Variants in ASCC3 observed in about 807,000 individuals in gnomAD.
The protein encoded by ASCC3 is ASC-1 complex subunit P200.
In ASCC3, 158 loss-of-function variants were observed where a neutral mutation model predicts 256.3. That is an observed-to-expected ratio of 0.62 (90% CI 0.54 to 0.70). ASCC3 has a LOEUF of 0.70. ASCC3 is among the 30% of genes least tolerant of loss of function. ASCC3 has a pLI of 0.00. For synonymous variants in ASCC3, 948 were observed against 883.4 expected (o/e 1.07, Z -1.30); for missense variants, 2,259 against 2,626.0 (o/e 0.86, Z 3.05).
chr6:100,754,863 T>C lies in ASCC3; in HGVS notation c.1737+11702A>G, dbSNP rs1462483335. ...ATAATAGTGAATAAGTCTCACGAGATTTGATGGTTTTATAAAGGGTGGTTC... is the reference window on the plus strand; with the variant it reads ...ATAATAGTGAATAAGTCTCACGAGACTTGATGGTTTTATAAAGGGTGGTTC... On this transcript the variant is annotated intron_variant, in intron 10 of 41. Coordinates refer to ENST00000369162, the MANE Select transcript of ASCC3 (RefSeq NM_006828.4). Among the ~76,000 whole-genome samples, 3 of 152,240 alleles carry C rather than the reference T, an allele frequency of 2.0e-5. No individual in the cohort carries two copies. The East Asian group carries it at 5.8e-4, about 29-fold the overall frequency.
In ASCC3 at chr6:100,607,015, T is replaced by A; in HGVS notation, c.4859A>T (p.His1620Leu). The change falls in exon 31 of 42, where the codon CAT becomes CTT. Residue 1620 changes from histidine (H) to leucine (L), a missense_variant. Transcript: ENST00000369162. ...TCGGTCCCTCTCATGTAGTCCAGCA[T>A]GATGCATTCCTATCCCGAAAGCAAG... ...LTLAFGIGMH[H>L]AGLHERDRKT... 1.9e-6 allele frequency: 3 copies of A among 1,613,756 alleles called. No individual in the cohort carries two copies. Among genetic ancestry groups the A allele is most frequent in the Non-Finnish European group, 2.5e-6 (3 of 1,179,816 alleles).
chr6:100,602,841 GT>G (rs1190852695), intron 33 of ASCC3, among the ~76,000 whole-genome samples: 7 of 151,922 alleles, frequency 4.6e-5, no homozygotes, highest in Non-Finnish European at 1.0e-4. Context: ...AAAAAGCTAA[GT>G]AAAACTATAA....
At chr6:100,739,976 T>C (rs1394195281) in intron 10 of ASCC3, among the ~76,000 whole-genome samples, 2 of 152,166 alleles carry the variant, frequency 1.3e-5, no homozygotes, top group Admixed American at 1.3e-4. Context: ...CCTGCTAGCT[T>C]TGGGGTTTGT....
At chr6:100,621,855 T>C (rs1248241696) in intron 30 of ASCC3, among the ~76,000 whole-genome samples, 1 of 152,152 alleles carries the variant, frequency 6.6e-6, no homozygotes, top group Non-Finnish European at 1.5e-5. Context: ...CCATCAGTGA[T>C]AGACTGGATA....
chr6:100,809,348 T>A (rs1382525226), intron 4 of ASCC3, among the ~76,000 whole-genome samples: 2 of 152,034 alleles, frequency 1.3e-5, no homozygotes, highest in East Asian at 3.8e-4. Flanking sequence ...TTCTATAAGC[T>A]TTTTTCTATT....
At chr6:100,853,553 C>T (rs1772795647) in intron 3 of ASCC3, among the ~76,000 whole-genome samples, 2 of 152,070 alleles carry the variant, frequency 1.3e-5, no homozygotes, top group Non-Finnish European at 2.9e-5. Flanking sequence ...CAACCTTCGC[C>T]TCCTGGGCTC....
intron 34 of ASCC3, among the ~76,000 whole-genome samples, chr6:100,594,892 T>C (rs1456159343): frequency 3.9e-5 from 6 of 152,006 alleles, no homozygotes; most frequent in Admixed American, 3.3e-4. Context: ...CATGGATAAA[T>C]CTAGAGGGGG....
At position 100,766,569 on chromosome 6, in the gene ASCC3, G is replaced by A. The variant is rs1438690839; in HGVS notation, c.1733C>T (p.Thr578Ile). The A allele has an allele frequency of 1.9e-6, 3 of 1,614,022 alleles. No individual in the cohort carries two copies. Among genetic ancestry groups the A allele is most frequent in the Non-Finnish European group, 2.5e-6 (3 of 1,179,934 alleles). ...AAATCTAGGTAAACAACATACCTGA[G>A]TTCGTAAAATTTCACTTTTGGACAA... is the stretch of plus-strand genomic sequence containing the variant. ...MQLSKSEILR[T>I]QMLVTTPEKW... Residue 578 changes from threonine (T) to isoleucine (I), a missense_variant, in exon 10 of 42, where the codon ACT (threonine) becomes ATT (isoleucine). Physicochemically the swap from Thr to Ile is moderately conservative, Grantham distance 89. Transcript: ENST00000369162.
intron 36 of ASCC3, among the ~76,000 whole-genome samples, chr6:100,543,704 C>A (rs1441738258): frequency 2.0e-5 from 3 of 151,418 alleles, no homozygotes; most frequent in Non-Finnish European, 2.9e-5. Context: ...GCTTCAAAAT[C>A]CATGAAAAAA....
At chr6:100,872,837 G>A (rs1773813625) in intron 1 of ASCC3, among the ~76,000 whole-genome samples, 1 of 152,128 alleles carries the variant, frequency 6.6e-6, no homozygotes, top group South Asian at 2.1e-4. Flanking sequence ...TAGGAAAAGG[G>A]GGAGAATATC....
chr6:100,723,876 A>AT (rs1554220105), intron 11 of ASCC3, among the ~76,000 whole-genome samples: 2 of 131,198 alleles, frequency 1.5e-5, no homozygotes, highest in Non-Finnish European at 3.1e-5. Flanking sequence ...ATATATATAT[A>AT]TATATATATA....
intron 10 of ASCC3, among the ~76,000 whole-genome samples, chr6:100,731,881 G>T (rs1779918273): frequency 6.6e-6 from 1 of 152,132 alleles, no homozygotes; most frequent in South Asian, 2.1e-4. Flanking sequence ...CATACTGCAG[G>T]TCGGGTGTGG....
intron 8 of ASCC3, among the ~76,000 whole-genome samples, chr6:100,780,391 A>C (rs185347008): frequency 1.3e-5 from 2 of 152,302 alleles, no homozygotes; most frequent in Admixed American, 1.3e-4. Context: ...CAACATTCAA[A>C]AATCCTTAAT....
chr6:100,515,503 A>G (rs1773976552), intron 39 of ASCC3, among the ~76,000 whole-genome samples: 1 of 152,208 alleles, frequency 6.6e-6, no homozygotes, highest in East Asian at 1.9e-4. Flanking sequence ...AAAACTGCTT[A>G]AGACTTAAAG....
intron 14 of ASCC3, among the ~76,000 whole-genome samples, chr6:100,672,505 A>G (rs1776802787): frequency 6.6e-6 from 1 of 152,042 alleles, no homozygotes; most frequent in African/African-American, 2.4e-5. Flanking sequence ...ACTATCTCTT[A>G]TTGTGTTTTT....
intron 24 of ASCC3, among the ~76,000 whole-genome samples, chr6:100,641,972 A>T (rs1775140897): frequency 6.8e-6 from 1 of 146,426 alleles, no homozygotes; most frequent in Non-Finnish European, 1.5e-5. Context: ...ATGAGAACAC[A>T]TGGACACAGG....
chr6:100,614,912 T>C (rs1161927377), intron 30 of ASCC3, among the ~76,000 whole-genome samples: 2 of 152,148 alleles, frequency 1.3e-5, no homozygotes, highest in Non-Finnish European at 2.9e-5. Context: ...TTTTTTAAAC[T>C]AAAATATTAC....
At chr6:100,601,727 T>C in intron 34 of ASCC3, 83 bp downstream of exon 34, 2 of 1,529,772 alleles carry the variant, frequency 1.3e-6, no homozygotes, top group Non-Finnish European at 1.8e-6. Context: ...TTTTTGTATG[T>C]ACCTTAATTT....
chr6:100,606,286 T>C (rs1772883742), intron 32 of ASCC3, among the ~76,000 whole-genome samples: 1 of 152,126 alleles, frequency 6.6e-6, no homozygotes, highest in South Asian at 2.1e-4. Flanking sequence ...GCTTTTATCA[T>C]GTTTTAAAAT....
Sources: allele counts gnomAD v4.1 joint callset (sites outside exome capture counted in the v4.1 genomes callset), GRCh38; gene constraint gnomAD v4.1.1; transcripts MANE v1.5; gene names NCBI Gene and HGNC (gene_info 2026-07-23, HGNC 2026-07-21).